The following LRP1B variants were observed in gnomAD, a reference collection of about 807,000 sequenced individuals.
The protein encoded by LRP1B is low-density lipoprotein receptor-related protein 1B.
LRP1B carries 217 observed loss-of-function variants against 556.6 expected under a neutral mutation model. The ratio of observed to expected loss-of-function variants is 0.39; its 90% confidence interval spans 0.35 to 0.44. The LOEUF is 0.44. LRP1B is among the 20% of genes least tolerant of loss of function. The pLI is 1.00. For synonymous variants in LRP1B, 2,047 were observed against 1,865.8 expected, an observed-to-expected ratio of 1.10 and a Z score of -2.50; for missense variants, 5,053 against 5,620.8, an observed-to-expected ratio of 0.90 and a Z score of 3.23.
chr2:141,916,047 C>T (rs1487521468), intron 1 of LRP1B, among the ~76,000 whole-genome samples: 2 of 152,112 alleles, frequency 1.3e-5, no homozygotes, highest in Non-Finnish European at 2.9e-5. Flanking sequence ...AACAGAAATA[C>T]CATTTGATCC....
At chr2:141,362,903 C>A (rs1177714495) in intron 3 of LRP1B, among the ~76,000 whole-genome samples, 1 of 151,548 alleles carries the variant, frequency 6.6e-6, no homozygotes, top group South Asian at 2.1e-4. Context: ...TTTATTAATT[C>A]ATTCCAAAAG....
chr2:140,425,239 T>C (rs1685605678), intron 66 of LRP1B, among the ~76,000 whole-genome samples: 1 of 152,192 alleles, frequency 6.6e-6, no homozygotes, highest in Non-Finnish European at 1.5e-5. Context: ...ACTATTGAAA[T>C]ACATATTTTT....
chr2:141,824,420 C>A (rs569278894), intron 1 of LRP1B, among the ~76,000 whole-genome samples: 1 of 152,158 alleles, frequency 6.6e-6, no homozygotes, highest in Non-Finnish European at 1.5e-5. Flanking sequence ...AATGCAGTGG[C>A]GCGATCTCGG....
At chr2:141,753,401 C>T (rs1694200325) in intron 2 of LRP1B, among the ~76,000 whole-genome samples, 1 of 151,276 alleles carries the variant, frequency 6.6e-6, no homozygotes, top group Admixed American at 6.6e-5. Flanking sequence ...TAACCTGCTT[C>T]ATGTTCTCAT....
chr2:141,340,594 A>G (rs947070938), intron 3 of LRP1B, among the ~76,000 whole-genome samples: 11 of 152,220 alleles, frequency 7.2e-5, no homozygotes, highest in African/African-American at 2.4e-4. Flanking sequence ...GGTTTCATGT[A>G]GTACTTCACT....
At chr2:140,509,826 G>A (rs1689576611) in intron 52 of LRP1B, 102 bp downstream of exon 52, 1 of 1,486,514 alleles carries the variant, frequency 6.7e-7, no homozygotes, top group Admixed American at 2.1e-5. Context: ...CCAGGAACTA[G>A]GAAAGCAATG....
At chr2:141,075,123 G>C (rs1699753075) in intron 7 of LRP1B, among the ~76,000 whole-genome samples, 1 of 152,102 alleles carries the variant, frequency 6.6e-6, no homozygotes, top group South Asian at 2.1e-4. Context: ...TGAATTTTAA[G>C]AATATAATAC....
chr2:141,061,625 T>C (rs1280415736), intron 8 of LRP1B, among the ~76,000 whole-genome samples: 2 of 151,828 alleles, frequency 1.3e-5, no homozygotes, highest in Non-Finnish European at 2.9e-5. Flanking sequence ...ATAAAGGTAC[T>C]TTTGTGAACA....
chr2:140,826,599 G>A (rs1691516783), intron 31 of LRP1B, among the ~76,000 whole-genome samples: 2 of 152,112 alleles, frequency 1.3e-5, no homozygotes, highest in African/African-American at 4.8e-5. Flanking sequence ...AGAGAAATGG[G>A]CCTTTCGATT....
At chr2:141,163,708 G>A (rs757716054) in intron 7 of LRP1B, among the ~76,000 whole-genome samples, 8 of 151,902 alleles carry the variant, frequency 5.3e-5, no homozygotes, top group African/African-American at 1.5e-4. Flanking sequence ...GCATTCTCTC[G>A]TCTGCTGCCA....
chr2:141,102,109 G>A (rs775766716), intron 7 of LRP1B, among the ~76,000 whole-genome samples: 1 of 152,086 alleles, frequency 6.6e-6, no homozygotes, highest in Non-Finnish European at 1.5e-5. Flanking sequence ...CAAAGTTTAT[G>A]GTTGCTTATA....
intron 2 of LRP1B, among the ~76,000 whole-genome samples, chr2:141,776,719 C>T (rs1050531333): frequency 6.6e-6 from 1 of 152,124 alleles, no homozygotes; most frequent in African/African-American, 2.4e-5. Context: ...TCTCTTTAAA[C>T]AGTATCTAGA....
intron 86 of LRP1B, among the ~76,000 whole-genome samples, chr2:140,256,390 A>G (rs1311091082): frequency 7.7e-6 from 1 of 129,620 alleles, no homozygotes; most frequent in Non-Finnish European, 1.7e-5. Flanking sequence ...CTCTTCTTTT[A>G]CAGTTTTAAT....
At chr2:141,891,190 A>G (rs1240901905) in intron 1 of LRP1B, among the ~76,000 whole-genome samples, 2 of 152,094 alleles carry the variant, frequency 1.3e-5, no homozygotes, top group East Asian at 1.9e-4. Flanking sequence ...AGAAGGCATA[A>G]CCATCAAGAA....
At chr2:141,016,400 A>G (rs1697901387) in intron 12 of LRP1B, among the ~76,000 whole-genome samples, 1 of 152,098 alleles carries the variant, frequency 6.6e-6, no homozygotes, top group Admixed American at 6.6e-5. Flanking sequence ...TCTTTAAGAC[A>G]GGTAATTGGA....
intron 32 of LRP1B, among the ~76,000 whole-genome samples, chr2:140,784,411 C>CACACACACACACACACACAT (rs777213091): frequency 3.3e-4 from 50 of 149,986 alleles, no homozygotes; most frequent in Non-Finnish European, 4.9e-4. Context: ...CACACACACA[C>CACACACACACACACACACAT]ACACACACAC....
intron 66 of LRP1B, 80 bp downstream of exon 66, chr2:140,442,424 G>A: frequency 6.6e-7 from 1 of 1,513,910 alleles, no homozygotes; most frequent in Non-Finnish European, 8.9e-7. Context: ...AAAGAATTGT[G>A]TTCAAATTTG....
chr2:140,360,200 A>T (rs1411159283), intron 72 of LRP1B, among the ~76,000 whole-genome samples: 11 of 151,566 alleles, frequency 7.3e-5, no homozygotes, highest in Non-Finnish European at 1.5e-5. Flanking sequence ...TAGACTTGTC[A>T]CTATCTTGCT....
At position 140,529,464 on chromosome 2, in the gene LRP1B, A is replaced by G. The variant is rs184058632; in HGVS notation, c.7763-3114T>C. Among the ~76,000 whole-genome samples the G allele has an allele frequency of 1.2e-3, 175 of 151,624 alleles. 1 individual carries two copies. Among genetic ancestry groups the G allele is most frequent in the African/African-American group, 4.2e-3 (172 of 41,286 alleles). Reference sequence around the variant, plus strand: ...GGGGAAGCATTAAGTTTGCTCTCATATCTCCTTTTCATTTACTTTCAAACA... The same window carrying G: ...GGGGAAGCATTAAGTTTGCTCTCATGTCTCCTTTTCATTTACTTTCAAACA... On this transcript the variant is annotated intron_variant, in intron 47 of 90. Coordinates refer to ENST00000389484, the MANE Select transcript of LRP1B (RefSeq NM_018557.3).
Sources: gnomAD v4.1 joint callset for allele counts (sites outside exome capture counted in the v4.1 genomes callset) on GRCh38, gnomAD v4.1.1 for gene constraint, MANE v1.5 for transcripts, NCBI Gene and HGNC (gene_info 2026-07-23, HGNC 2026-07-21) for gene names.